ROBO2: variants seen among roughly 807,000 people sequenced by gnomAD.
ROBO2 encodes the protein roundabout homolog 2.
In ROBO2, 53 loss-of-function variants were observed where a neutral mutation model predicts 160.8. That is an observed-to-expected ratio of 0.33 (90% CI 0.26 to 0.41). The LOEUF (loss-of-function observed/expected upper bound fraction) is 0.41. ROBO2 is among the 10% of genes least tolerant of loss of function. The pLI, the probability that ROBO2 is intolerant of heterozygous loss-of-function variation, is 1.00. For missense variants in ROBO2, 1,577 were observed against 1,722.4 expected, an observed-to-expected ratio of 0.92 and a Z score of 1.49; for synonymous variants, 664 against 611.7, an observed-to-expected ratio of 1.09 and a Z score of -1.26.
At chr3:77,342,070 G>A (rs1032248041) in intron 2 of ROBO2, among the ~76,000 whole-genome samples, 1 of 152,092 alleles carries the variant, frequency 6.6e-6, no homozygotes, top group Admixed American at 6.6e-5. Flanking sequence ...TGTATTTGAT[G>A]TATAATGACA....
intron 2 of ROBO2, among the ~76,000 whole-genome samples, chr3:75,996,542 T>C (rs1050683039): frequency 6.6e-6 from 1 of 152,188 alleles, no homozygotes; most frequent in African/African-American, 2.4e-5. Context: ...ATAATAGACC[T>C]TAGTGACTAA....
Position 76,401,902 on chromosome 3 carries a change from A to C in ROBO2, c.109+464300A>C, listed in dbSNP as rs570965528. Among the ~76,000 whole-genome samples, 3 of 151,648 alleles carry C rather than the reference A, an allele frequency of 2.0e-5. No homozygotes were observed. In the East Asian group the frequency reaches 5.8e-4, roughly 29 times the overall value. On this transcript the variant is annotated intron_variant, in intron 2 of 26. Coordinates refer to the ROBO2 transcript ENST00000487694. ...ATAAGTGAATTCATCATAGCCTAGA[A>C]TACAAAGAAAAATTTTTAGAAATGT... is the stretch of plus-strand genomic sequence containing the variant.
upstream of ROBO2, among the ~76,000 whole-genome samples, chr3:77,036,291 C>T (rs2063631986): frequency 2.0e-5 from 3 of 151,944 alleles, no homozygotes; most frequent in South Asian, 6.2e-4. Flanking sequence ...GTGGTTAGTG[C>T]TCACTACATG....
chr3:76,439,642 G>A (rs1274946097), intron 2 of ROBO2, among the ~76,000 whole-genome samples: 1 of 152,132 alleles, frequency 6.6e-6, no homozygotes, highest in Non-Finnish European at 1.5e-5. Context: ...CTCAATGAGG[G>A]CAAGTGCCTA....
intron 2 of ROBO2, among the ~76,000 whole-genome samples, chr3:77,112,762 C>T (rs1421514791): frequency 3.3e-5 from 5 of 152,142 alleles, no homozygotes; most frequent in African/African-American, 1.2e-4. Context: ...GTGTGCCATA[C>T]GGTGATTATG....
chr3:75,940,303 G>C (rs1947993793), intron 2 of ROBO2, among the ~76,000 whole-genome samples: 1 of 152,128 alleles, frequency 6.6e-6, no homozygotes, highest in East Asian at 1.9e-4. Flanking sequence ...AATGATATAA[G>C]AAATGCAGTC....
chr3:76,808,936 A>G (rs2064953069), intron 2 of ROBO2, among the ~76,000 whole-genome samples: 1 of 152,188 alleles, frequency 6.6e-6, no homozygotes. Context: ...CACTAACCTT[A>G]TCACAAACTC....
chr3:77,598,275 T>C (rs1385172984), intron 19 of ROBO2, among the ~76,000 whole-genome samples: 1 of 151,790 alleles, frequency 6.6e-6, no homozygotes, highest in Non-Finnish European at 1.5e-5. Flanking sequence ...TTGACTATAT[T>C]TGAAGTTGTA....
intron 12 of ROBO2, among the ~76,000 whole-genome samples, chr3:77,566,065 C>T (rs1289537716): frequency 2.6e-5 from 4 of 152,014 alleles, no homozygotes; most frequent in East Asian, 1.9e-4. Flanking sequence ...AGATATAATT[C>T]AAAGTAGTAT....
chr3:76,999,612 G>A (rs1318028191), intron 2 of ROBO2, among the ~76,000 whole-genome samples: 1 of 152,096 alleles, frequency 6.6e-6, no homozygotes, highest in Non-Finnish European at 1.5e-5. Flanking sequence ...CATAATTACA[G>A]AAATTTCAGT....
chr3:76,880,659 A>G (rs1170374931), intron 2 of ROBO2, among the ~76,000 whole-genome samples: 1 of 152,188 alleles, frequency 6.6e-6, no homozygotes, highest in Non-Finnish European at 1.5e-5. Context: ...TGTTTTGCCT[A>G]GCAAAATACA....
At chr3:75,927,335 G>A (rs1345181955) in intron 1 of ROBO2, among the ~76,000 whole-genome samples, 2 of 152,148 alleles carry the variant, frequency 1.3e-5, no homozygotes, top group Non-Finnish European at 2.9e-5. Flanking sequence ...CTGAAATAAT[G>A]AGGTCTAGAA....
rs4324496 is a variant in ROBO2, at chr3:76,989,868, A to G, written c.110-108146A>G. The stretch of plus-strand genomic sequence containing the variant: ...TGTGTGTGTCCACAGGCCCATACAC[A>G]TGTGGGCATGCATGAACAGGGGCAT... On this transcript the variant is annotated intron_variant, in intron 2 of 26. Coordinates refer to the ROBO2 transcript ENST00000487694. Among the ~76,000 whole-genome samples, 1,097 of 152,292 alleles carry G rather than the reference A, an allele frequency of 7.2e-3. 18 individuals are homozygous for G. The highest frequency in any genetic ancestry group is 0.025 in the African/African-American group (1,039 of 41,564).
At chr3:76,990,341 A>G (rs2060597314) in intron 2 of ROBO2, among the ~76,000 whole-genome samples, 1 of 152,226 alleles carries the variant, frequency 6.6e-6, no homozygotes, top group Admixed American at 6.5e-5. Context: ...AATCATTAAT[A>G]ACAAAAACAA....
chr3:77,554,354 A>G (rs2093033865), intron 8 of ROBO2, among the ~76,000 whole-genome samples: 1 of 152,022 alleles, frequency 6.6e-6, no homozygotes, highest in Non-Finnish European at 1.5e-5. Flanking sequence ...TAATGTTTTT[A>G]TACCTGTTAA....
At chr3:76,374,748 ATGAC>A (rs1348656088) in intron 2 of ROBO2, among the ~76,000 whole-genome samples, 1 of 151,982 alleles carries the variant, frequency 6.6e-6, no homozygotes, top group African/African-American at 2.4e-5. Flanking sequence ...TGTTTTGAGA[ATGAC>A]TGGCAATTTC....
intron 2 of ROBO2, among the ~76,000 whole-genome samples, chr3:76,178,847 A>AGG (rs2073323865): frequency 6.6e-6 from 1 of 152,108 alleles, no homozygotes; most frequent in Admixed American, 6.5e-5. Flanking sequence ...AGGCTGAAGC[A>AGG]GGAGAATCGC....
At chr3:76,096,218 C>T (rs1361830857) in intron 2 of ROBO2, among the ~76,000 whole-genome samples, 2 of 152,138 alleles carry the variant, frequency 1.3e-5, no homozygotes, top group Non-Finnish European at 2.9e-5. Flanking sequence ...TGATCAATTA[C>T]ATTTTAAGAA....
chr3:75,976,521 G>A (rs1356164304), intron 2 of ROBO2, among the ~76,000 whole-genome samples: 1 of 151,542 alleles, frequency 6.6e-6, no homozygotes, highest in South Asian at 2.1e-4. Context: ...CAGAGCGGAA[G>A]AGAGGAACTT....
Sources: allele counts gnomAD v4.1 joint callset (sites outside exome capture counted in the v4.1 genomes callset), GRCh38; gene constraint gnomAD v4.1.1; transcripts MANE v1.5; gene names NCBI Gene and HGNC (gene_info 2026-07-23, HGNC 2026-07-21).